The following INO80D variants were observed in gnomAD, a reference collection of about 807,000 sequenced individuals.
The protein encoded by INO80D is INO80 complex subunit D.
A neutral mutation model predicts 87.6 loss-of-function variants in INO80D; 21 were observed. The observed-to-expected ratio is 0.24, with a 90% confidence interval of 0.17 to 0.35. The LOEUF is 0.35. INO80D is among the 10% of genes least tolerant of loss of function. The pLI, the probability that INO80D is intolerant of heterozygous loss-of-function variation, is 1.00. For missense variants in INO80D, 982 were observed against 1,280.7 expected (o/e 0.77, Z 3.56); for synonymous variants, 440 against 491.0 (o/e 0.90, Z 1.37).
At chr2:206,079,792 T>C (rs1484852546) in intron 1 of INO80D, among the ~76,000 whole-genome samples, 2 of 152,182 alleles carry the variant, frequency 1.3e-5, no homozygotes, top group Admixed American at 6.6e-5. Context: ...CAGAAACTCC[T>C]TAGGACCTGG....
intron 1 of INO80D, among the ~76,000 whole-genome samples, chr2:206,078,952 GA>G (rs1335299466): frequency 6.6e-6 from 1 of 151,990 alleles, no homozygotes; most frequent in East Asian, 1.9e-4. Flanking sequence ...AAAAAGAAAA[GA>G]AAAAGACATG....
At position 206,002,636 on chromosome 2, in the gene INO80D, TA is replaced by T. The variant is rs971208324; in HGVS notation, c.*1731del. The T allele has an allele frequency of 6.6e-6, 1 of 152,158 alleles. No homozygotes were observed. The highest frequency in any genetic ancestry group is 1.5e-5 in the Non-Finnish European group (1 of 68,034). The allele number at this position is 152,158 out of a possible 1,614,324, so 9.4% of individuals were successfully genotyped here. A position where few individuals can be genotyped will look rare whatever the true frequency, so the allele number is the denominator to read the frequency against. The stretch of plus-strand genomic sequence containing the variant: ...TGCCTGCTGATCACCATCATTCCTT[TA>T]AAAAGCAGAGAAAGAAAAGCTTTCA... On this transcript the variant is annotated 3_prime_UTR_variant, in exon 11 of 11. Coordinates refer to ENST00000403263, the MANE Select transcript of INO80D (RefSeq NM_017759.5).
At position 205,998,395 on chromosome 2, in the gene INO80D, C is replaced by T. The variant is rs193011809; in HGVS notation, c.*5973G>A. 6.9e-6 allele frequency: 1 copy of T among 145,474 alleles called. No individual in the cohort carries two copies. The highest frequency in any genetic ancestry group is 2.5e-5 in the African/African-American group (1 of 39,226). 9.0% of individuals were successfully genotyped at this position (145,474 alleles called of 1,614,324 possible). On this transcript the variant is annotated 3_prime_UTR_variant, in exon 11 of 11. Coordinates refer to ENST00000403263, the MANE Select transcript of INO80D (RefSeq NM_017759.5). ...TGCAAGGTAGCAAAGGATAGCTATA[C>T]ACCTTGACACGGCAGAGATCCAGTG...
At chr2:206,043,603 T>C (rs1415935522) in intron 5 of INO80D, among the ~76,000 whole-genome samples, 1 of 152,174 alleles carries the variant, frequency 6.6e-6, no homozygotes, top group Non-Finnish European at 1.5e-5. Flanking sequence ...TTCTCCTGCC[T>C]CAGCCTCCCA....
chr2:206,080,902 C>CAAAAAA (rs60198558), intron 1 of INO80D, among the ~76,000 whole-genome samples: 8 of 38,054 alleles, frequency 2.1e-4, no homozygotes, highest in Admixed American at 3.6e-4. Flanking sequence ...GACTCAGTCT[C>CAAAAAA]AAAAAAAAAA....
rs1359887643 is a variant in INO80D at position 205,998,417 on chromosome 2, A to G, written c.*5951T>C. On this transcript the variant is annotated 3_prime_UTR_variant, in exon 11 of 11. Coordinates refer to ENST00000403263, the MANE Select transcript of INO80D (RefSeq NM_017759.5). ...ATACACCTTGACACGGCAGAGATCC[A>G]GTGTAAAAAGGTGCTTCACTAGTTT... The G allele has an allele frequency of 6.8e-6, 1 of 148,112 alleles. No individual in the cohort carries two copies. The highest frequency in any genetic ancestry group is 2.5e-5 in the African/African-American group (1 of 40,402). The allele number at this position is 148,112 out of a possible 1,614,324, so 9.2% of individuals were successfully genotyped here.
Position 206,004,624 on chromosome 2 carries a change from C to A in INO80D, c.2828G>T (p.Ser943Ile). The change falls in exon 11 of 11, where the codon AGT becomes ATT. Residue 943 changes from serine to isoleucine, a missense_variant. Coordinates refer to ENST00000403263, the MANE Select transcript of INO80D (RefSeq NM_017759.5). This position sits in a 1 kb window ranked among gnomAD's most constrained non-coding sequence, Gnocchi z 4.9. ...AFATVTPSSS[S>I]VLPGLPQTSF... The stretch of plus-strand genomic sequence containing the variant: ...GGTCTGTGGTAACCCCGGAAGCACA[C>A]TGGAGCTGCTGGGGGTCACGGTGGC... 6.2e-7 allele frequency: 1 copy of A among 1,613,050 alleles called. No individual in the cohort carries two copies. The highest frequency in any genetic ancestry group is 8.5e-7 in the Non-Finnish European group (1 of 1,179,520).
intron 10 of INO80D, 42 bp downstream of exon 10, chr2:206,007,242 A>G: frequency 6.4e-7 from 1 of 1,568,110 alleles, no homozygotes; most frequent in Non-Finnish European, 8.7e-7. Flanking sequence ...TTATAAACTC[A>G]TTTTTAAAAC....
chr2:206,068,299 T>C (rs185055033), intron 1 of INO80D, among the ~76,000 whole-genome samples: 2 of 152,230 alleles, frequency 1.3e-5, no homozygotes, highest in East Asian at 1.9e-4. Flanking sequence ...TGGGTCTTGC[T>C]GTGCTGCCCA....
At chr2:206,029,694 A>G (rs1309459856) in intron 5 of INO80D, among the ~76,000 whole-genome samples, 4 of 152,178 alleles carry the variant, frequency 2.6e-5, no homozygotes, top group Non-Finnish European at 4.4e-5. Flanking sequence ...TTTACTACAG[A>G]TCTACAAATT....
At chr2:206,050,259 G>A (rs889937283) in intron 4 of INO80D, among the ~76,000 whole-genome samples, 34 of 151,998 alleles carry the variant, frequency 2.2e-4, no homozygotes, top group Non-Finnish European at 1.6e-4. Context: ...TTGGGAAGCC[G>A]AGGCGGGCAG....
intron 8 of INO80D, among the ~76,000 whole-genome samples, chr2:206,016,848 A>G (rs1245082604): frequency 1.3e-5 from 2 of 152,144 alleles, no homozygotes; most frequent in African/African-American, 4.8e-5. Flanking sequence ...CCATCCATGT[A>G]AGATATGACT....
intron 1 of INO80D, chr2:206,063,679 G>A (rs1384346207): frequency 6.6e-6 from 1 of 152,256 alleles, no homozygotes; most frequent in Non-Finnish European, 1.5e-5. Context: ...GGGTGAGAGT[G>A]AAGATCTGTC....
chr2:206,027,798 A>T (rs1188567456), intron 6 of INO80D, among the ~76,000 whole-genome samples: 1 of 152,188 alleles, frequency 6.6e-6, no homozygotes, highest in Non-Finnish European at 1.5e-5. Context: ...AAAATCTATA[A>T]ATGTTACTTT....
At position 206,047,689 on chromosome 2, in the gene INO80D, T is replaced by TA. The variant is rs951986215; in HGVS notation, c.965-1078dup. On this transcript the variant is annotated intron_variant, in intron 4 of 10. Transcript: ENST00000403263. ...AAAAAAAAAAATCAAAAAGTGCAGA[T>TA]AGAGTCACTCTACATTTCAACAACG... 6.0e-5 allele frequency among the ~76,000 whole-genome samples: 9 copies of TA among 150,706 alleles called. 1 individual carries two copies. Among genetic ancestry groups the TA allele is most frequent in the African/African-American group, 2.2e-4 (9 of 41,124 alleles).
At chr2:206,019,888 T>A in intron 6 of INO80D, 43 bp from the exon 7 acceptor site, 1 of 1,478,666 alleles carries the variant, frequency 6.8e-7, no homozygotes, top group Non-Finnish European at 9.3e-7. Context: ...TTTAATGCTT[T>A]AAGAATCCAG....
At chr2:206,030,836 A>C (rs762367031) in intron 5 of INO80D, among the ~76,000 whole-genome samples, 67 of 152,218 alleles carry the variant, frequency 4.4e-4, no homozygotes, top group Non-Finnish European at 8.2e-4. Context: ...GATTACAGTC[A>C]GCAGCAGATA....
chr2:206,028,807 A>G (rs1214296184), intron 5 of INO80D, among the ~76,000 whole-genome samples: 1 of 152,104 alleles, frequency 6.6e-6, no homozygotes, highest in Admixed American at 6.6e-5. Context: ...CTGGTTTTTA[A>G]CCACCTTTTT....
intron 1 of INO80D, among the ~76,000 whole-genome samples, chr2:206,072,913 T>C (rs900167015): frequency 2.0e-5 from 3 of 151,550 alleles, no homozygotes. Flanking sequence ...GGCACAATCA[T>C]AGCAGCCTCA....
Sources: allele counts gnomAD v4.1 joint callset (sites outside exome capture counted in the v4.1 genomes callset), GRCh38; gene constraint gnomAD v4.1.1; non-coding constraint Gnocchi (gnomAD v3.1); transcripts MANE v1.5; gene names NCBI Gene and HGNC (gene_info 2026-07-23, HGNC 2026-07-21).